Variants in DNAH3 observed in about 807,000 individuals in gnomAD.
DNAH3 encodes the protein dynein axonemal heavy chain 3, also known as axonemal beta dynein heavy chain 3.
A neutral mutation model predicts 432.5 loss-of-function variants in DNAH3; 332 were observed. The ratio of observed to expected loss-of-function variants is 0.77; its 90% confidence interval spans 0.70 to 0.84. DNAH3 has a LOEUF of 0.84. Ranked by LOEUF, DNAH3 falls within the 40% of genes least tolerant of loss-of-function variation. The pLI is 0.00. For missense variants in DNAH3, 4,861 were observed against 5,114.0 expected, an observed-to-expected ratio of 0.95 and a Z score of 1.51; for synonymous variants, 1,956 against 1,900.2, an observed-to-expected ratio of 1.03 and a Z score of -0.76.
At chr16:21,071,347 A>T (rs965209037) in intron 21 of DNAH3, among the ~76,000 whole-genome samples, 14 of 147,776 alleles carry the variant, frequency 9.5e-5, no homozygotes, top group Admixed American at 6.8e-4. Flanking sequence ...CAGCCTGGAT[A>T]TTTTTTTTAA....
rs772864691 is a variant in DNAH3, at chr16:20,963,548, A to C, written c.10336T>G (p.Trp3446Gly). The C allele has an allele frequency of 3.1e-6, 5 of 1,613,852 alleles. No individual in the cohort carries two copies. In the Middle Eastern group the frequency reaches 4.9e-4, roughly 159 times the overall value. ...CAGGCCGAGTCATAGATCAGCTTCCATTCACCCAGGTTCTGTTCCAAATGC... is the reference window on the plus strand; with the variant it reads ...CAGGCCGAGTCATAGATCAGCTTCCCTTCACCCAGGTTCTGTTCCAAATGC... The change falls in exon 53 of 62, where the codon TGG becomes GGG. Residue 3446 changes from tryptophan to glycine, a missense_variant. Trp to Gly is a radical substitution (Grantham distance 184). Coordinates refer to ENST00000261383, the Ensembl canonical transcript of DNAH3.
At chr16:21,133,445 T>C (rs11859960) in intron 7 of DNAH3, among the ~76,000 whole-genome samples, 12 of 151,492 alleles carry the variant, frequency 7.9e-5, no homozygotes, top group African/African-American at 2.9e-4. Context: ...AATGTTCTAT[T>C]ATAACCAAGG....
exon 3 of DNAH3, chr16:21,145,288 T>G: frequency 6.2e-7 from 1 of 1,613,520 alleles, no homozygotes; most frequent in Non-Finnish European, 8.5e-7. Context: ...CATCAAGGAG[T>G]AGTTGTTGGC....
chr16:21,051,876 G>C lies in DNAH3; in HGVS notation c.4040-8C>G. 1 of 1,613,882 alleles carries C rather than the reference G, an allele frequency of 6.2e-7. No individual in the cohort carries two copies. The highest frequency in any genetic ancestry group is 8.5e-7 in the Non-Finnish European group (1 of 1,179,834). ...TGGCCACCACGTCGCGGGCTGTTGG[G>C]ACACAGATGCAGAAACACGCACACA... On this transcript the variant is annotated splice_region_variant and splice_polypyrimidine_tract_variant and intron_variant, in intron 28 of 61. Coordinates refer to ENST00000261383, the Ensembl canonical transcript of DNAH3.
intron 31 of DNAH3, among the ~76,000 whole-genome samples, chr16:21,046,502 G>A (rs1019974323): frequency 4.6e-5 from 7 of 151,802 alleles, no homozygotes; most frequent in Non-Finnish European, 1.0e-4. Context: ...TGCAACCCCT[G>A]CCTTTTTTTG....
chr16:20,956,346 G>A (rs2084565713), intron 54 of DNAH3, among the ~76,000 whole-genome samples: 1 of 152,190 alleles, frequency 6.6e-6, no homozygotes, highest in Non-Finnish European at 1.5e-5. Context: ...GTATTAAACA[G>A]TGACCGCTCT....
chr16:21,021,506 T>C (rs2088219211), intron 40 of DNAH3, among the ~76,000 whole-genome samples: 1 of 152,134 alleles, frequency 6.6e-6, no homozygotes, highest in South Asian at 2.1e-4. Flanking sequence ...ACACATGGAC[T>C]TTGCCTACCA....
chr16:21,106,175 T>TC (rs1350670044), intron 15 of DNAH3, among the ~76,000 whole-genome samples: 36 of 113,758 alleles, frequency 3.2e-4, no homozygotes, highest in Middle Eastern at 6.6e-3. Context: ...CGAGACTCCA[T>TC]CTAAAAAAAA....
intron 41 of DNAH3, among the ~76,000 whole-genome samples, chr16:21,017,256 C>A (rs1296339765): frequency 1.3e-5 from 2 of 152,160 alleles, no homozygotes; most frequent in Non-Finnish European, 2.9e-5. Context: ...TGGATTGATA[C>A]AGAGACAGAG....
intron 33 of DNAH3, among the ~76,000 whole-genome samples, chr16:21,039,040 T>C (rs1180189550): frequency 6.6e-6 from 1 of 152,046 alleles, no homozygotes; most frequent in African/African-American, 2.4e-5. Context: ...GTTATATGTA[T>C]GTGTGTATAC....
At chr16:21,137,187 C>G (rs368317295) in intron 5 of DNAH3, among the ~76,000 whole-genome samples, 4 of 151,626 alleles carry the variant, frequency 2.6e-5, no homozygotes, top group African/African-American at 7.3e-5. Context: ...GAATTTACCC[C>G]CCGGAAGCTT....
At chr16:21,090,945 C>T (rs371204445) in intron 18 of DNAH3, among the ~76,000 whole-genome samples, 44 of 151,914 alleles carry the variant, frequency 2.9e-4, no homozygotes, top group Admixed American at 4.6e-4. Flanking sequence ...TGAGCTCAGG[C>T]GTTCAAGACC....
chr16:21,011,703 C>G (rs201862842), intron 41 of DNAH3, among the ~76,000 whole-genome samples: 2 of 151,996 alleles, frequency 1.3e-5, no homozygotes, highest in African/African-American at 4.8e-5. Context: ...TTCAGGAAAA[C>G]TGTTTGGTAT....
intron 7 of DNAH3, among the ~76,000 whole-genome samples, chr16:21,131,532 A>G (rs796509740): frequency 2.1e-5 from 3 of 140,192 alleles, no homozygotes; most frequent in East Asian, 4.5e-4. Context: ...AAGGAAGGAA[A>G]GAAAGAAAAA....
intron 56 of DNAH3, among the ~76,000 whole-genome samples, chr16:20,949,544 G>A (rs1159572429): frequency 1.3e-5 from 2 of 152,090 alleles, no homozygotes; most frequent in Non-Finnish European, 2.9e-5. Flanking sequence ...TATATATGGG[G>A]TTCGGTAAAA....
intron 53 of DNAH3, among the ~76,000 whole-genome samples, chr16:20,962,583 T>C (rs941626026): frequency 4.8e-4 from 73 of 152,256 alleles, no homozygotes; most frequent in Middle Eastern, 6.8e-3. Flanking sequence ...ATGGATCTCA[T>C]GACATGCGGC....
intron 28 of DNAH3, 120 bp from the exon 29 acceptor site, chr16:21,051,988 TA>T (rs1185421900): frequency 2.7e-6 from 2 of 750,862 alleles, no homozygotes; most frequent in African/African-American, 3.6e-5. Flanking sequence ...TATTTTATTT[TA>T]TTTTATTTTA....
chr16:21,024,175 G>A (rs955133039), intron 39 of DNAH3, among the ~76,000 whole-genome samples: 1 of 152,172 alleles, frequency 6.6e-6, no homozygotes, highest in Non-Finnish European at 1.5e-5. Context: ...CCCTCAAGGT[G>A]GGAGGTGCAG....
At chr16:20,952,281 A>G in intron 56 of DNAH3, 152 bp downstream of exon 56, 2 of 567,434 alleles carry the variant, frequency 3.5e-6, no homozygotes, top group East Asian at 3.0e-5. Context: ...TTTCCTTACA[A>G]TATCTAGCAT....
Sources: allele counts gnomAD v4.1 joint callset (sites outside exome capture counted in the v4.1 genomes callset), GRCh38; gene constraint gnomAD v4.1.1; transcripts MANE v1.5; gene names NCBI Gene and HGNC (gene_info 2026-07-23, HGNC 2026-07-21).